Variants in EPHB1 observed in about 807,000 individuals in gnomAD.
The protein encoded by EPHB1 is ephrin type-B receptor 1.
EPHB1 carries 30 observed loss-of-function variants against 94.4 expected under a neutral mutation model. The observed-to-expected ratio is 0.32, with a 90% CI of 0.24 to 0.43. EPHB1 has a LOEUF of 0.43. EPHB1 is among the 20% of genes least tolerant of loss of function. The pLI is 1.00. For synonymous variants in EPHB1, 522 were observed against 489.1 expected, an observed-to-expected ratio of 1.07 and a Z score of -0.89; for missense variants, 1,055 against 1,308.3, an observed-to-expected ratio of 0.81 and a Z score of 2.99.
chr3:135,071,557 T>C (rs1462517653), intron 3 of EPHB1, among the ~76,000 whole-genome samples: 1 of 152,196 alleles, frequency 6.6e-6, no homozygotes, highest in African/African-American at 2.4e-5. Flanking sequence ...TCTTACATTG[T>C]GGGCCCTGGG....
chr3:135,143,253 G>T lies in EPHB1; in HGVS notation c.1297+10204G>T, dbSNP rs539125961. ...ATGGGGCTGGTGATGTCCAGAAAGGGGCTAAAGAGTGGGCATGGCAGGATG... is the reference window on the plus strand; with the variant it reads ...ATGGGGCTGGTGATGTCCAGAAAGGTGCTAAAGAGTGGGCATGGCAGGATG... On this transcript the variant is annotated intron_variant, in intron 5 of 15. Coordinates refer to ENST00000398015, the MANE Select transcript of EPHB1 (RefSeq NM_004441.5). Among the ~76,000 whole-genome samples the T allele has an allele frequency of 6.6e-5, 10 of 152,280 alleles. No individual in the cohort carries two copies. In the East Asian group the frequency reaches 1.9e-3, roughly 30 times the overall value.
intron 1 of EPHB1, among the ~76,000 whole-genome samples, chr3:134,919,603 C>T (rs2038638222): frequency 6.6e-6 from 1 of 152,096 alleles, no homozygotes; most frequent in Admixed American, 6.5e-5. Context: ...GGGTCAAGGG[C>T]AGTAGACACC....
At chr3:135,160,498 A>G (rs1260873801) in intron 6 of EPHB1, among the ~76,000 whole-genome samples, 1 of 151,986 alleles carries the variant, frequency 6.6e-6, no homozygotes, top group African/African-American at 2.4e-5. Context: ...TCATCTCAGT[A>G]CCCCAGATCT....
intron 3 of EPHB1, among the ~76,000 whole-genome samples, chr3:134,980,988 C>T (rs1934380699): frequency 6.6e-6 from 1 of 152,146 alleles, no homozygotes; most frequent in Non-Finnish European, 1.5e-5. Flanking sequence ...TCAACAGGTT[C>T]CTCTCCTTCA....
At chr3:135,007,316 G>A (rs1395098231) in intron 3 of EPHB1, among the ~76,000 whole-genome samples, 1 of 152,144 alleles carries the variant, frequency 6.6e-6, no homozygotes, top group Non-Finnish European at 1.5e-5. Context: ...TGGAAAGATT[G>A]TTTCATCAAA....
chr3:135,217,761 A>G (rs1458307784), intron 12 of EPHB1, among the ~76,000 whole-genome samples: 18 of 152,202 alleles, frequency 1.2e-4, no homozygotes, highest in Admixed American at 1.2e-3. Context: ...AAATGTGCAA[A>G]GAAAGCAGAA....
chr3:135,206,066 G>C (rs1942893792), intron 12 of EPHB1, among the ~76,000 whole-genome samples: 1 of 152,110 alleles, frequency 6.6e-6, no homozygotes, highest in African/African-American at 2.4e-5. Context: ...GGCAACCACT[G>C]TTCTAATTTT....
At chr3:135,251,602 C>CAACTT (rs1933101223) in intron 15 of EPHB1, among the ~76,000 whole-genome samples, 2 of 152,292 alleles carry the variant, frequency 1.3e-5, no homozygotes, top group East Asian at 1.9e-4. Flanking sequence ...AGAAACTGAG[C>CAACTT]AACTTAATAA....
chr3:134,894,506 T>A (rs550001134), intron 1 of EPHB1, among the ~76,000 whole-genome samples: 3 of 152,366 alleles, frequency 2.0e-5, no homozygotes, highest in South Asian at 4.1e-4. Context: ...ATTTCTTCTC[T>A]GAAAGCCTGT....
intron 3 of EPHB1, among the ~76,000 whole-genome samples, chr3:135,021,344 A>G (rs1268052427): frequency 1.3e-5 from 2 of 152,058 alleles, no homozygotes; most frequent in Non-Finnish European, 2.9e-5. Flanking sequence ...TCATATTGTC[A>G]AATCTTATTT....
At chr3:134,844,865 A>T (rs2036841654) in intron 1 of EPHB1, among the ~76,000 whole-genome samples, 2 of 152,272 alleles carry the variant, frequency 1.3e-5, no homozygotes, top group Middle Eastern at 3.4e-3. Flanking sequence ...TCTAGCCACA[A>T]GTCTCTACCA....
intron 3 of EPHB1, among the ~76,000 whole-genome samples, chr3:135,025,317 C>A (rs1443553253): frequency 7.9e-6 from 1 of 126,552 alleles, no homozygotes; most frequent in African/African-American, 2.8e-5. Flanking sequence ...CCCACTAACT[C>A]GTCATCTAGC....
intron 5 of EPHB1, among the ~76,000 whole-genome samples, chr3:135,150,219 T>C (rs1207101662): frequency 6.6e-6 from 1 of 152,266 alleles, no homozygotes; most frequent in Non-Finnish European, 1.5e-5. Context: ...AGAGGGACTC[T>C]GAAGTCCTGT....
chr3:135,038,879 GC>G (rs1936735456), intron 3 of EPHB1, among the ~76,000 whole-genome samples: 2 of 152,192 alleles, frequency 1.3e-5, no homozygotes, highest in Non-Finnish European at 2.9e-5. Context: ...CCAGCAGCCT[GC>G]TTTTATTCTC....
chr3:134,964,737 A>G (rs897849272), intron 3 of EPHB1, among the ~76,000 whole-genome samples: 1 of 152,062 alleles, frequency 6.6e-6, no homozygotes, highest in African/African-American at 2.4e-5. Context: ...TCTTTGGTCA[A>G]ATTTGTCTAC....
intron 3 of EPHB1, among the ~76,000 whole-genome samples, chr3:134,984,030 C>A (rs1934507619): frequency 6.6e-6 from 1 of 152,122 alleles, no homozygotes; most frequent in Admixed American, 6.5e-5. Context: ...AATGCTCTGT[C>A]CTGCAAGGGA....
chr3:135,021,257 T>G (rs971856834), intron 3 of EPHB1, among the ~76,000 whole-genome samples: 3 of 152,202 alleles, frequency 2.0e-5, no homozygotes, highest in African/African-American at 7.2e-5. Flanking sequence ...GCCAATAATT[T>G]TATTTGTTGT....
intron 5 of EPHB1, among the ~76,000 whole-genome samples, chr3:135,145,169 G>T (rs1474007994): frequency 6.6e-6 from 1 of 152,166 alleles, no homozygotes; most frequent in Non-Finnish European, 1.5e-5. Flanking sequence ...ATCTAAGCAG[G>T]ACCTTTTCAG....
intron 2 of EPHB1, among the ~76,000 whole-genome samples, chr3:134,939,965 C>T (rs2039081542): frequency 1.3e-5 from 2 of 152,338 alleles, no homozygotes. Flanking sequence ...CCAATTTTGT[C>T]TCCTTGTGGT....
Sources: gnomAD v4.1 joint callset for allele counts (sites outside exome capture counted in the v4.1 genomes callset) on GRCh38, gnomAD v4.1.1 for gene constraint, MANE v1.5 for transcripts, NCBI Gene and HGNC (gene_info 2026-07-23, HGNC 2026-07-21) for gene names.